The following OS9 variants were observed in gnomAD, a reference collection of about 807,000 sequenced individuals.
The protein encoded by OS9 is protein OS-9.
In OS9, 58 loss-of-function variants were observed where a neutral mutation model predicts 84.7. The observed-to-expected ratio is 0.68, with a 90% CI of 0.55 to 0.85. The LOEUF (loss-of-function observed/expected upper bound fraction) is 0.85, where lower values mean the gene tolerates loss of function less well. Among genes scored for constraint, OS9 ranks in the 40% least tolerant of loss-of-function variants. OS9 has a pLI of 0.00. For synonymous variants in OS9, 278 were observed against 320.8 expected, an observed-to-expected ratio of 0.87 and a Z score of 1.43; for missense variants, 760 against 850.9, an observed-to-expected ratio of 0.89 and a Z score of 1.33.
intron 5 of OS9, among the ~76,000 whole-genome samples, chr12:57,703,128 T>G (rs978215607): frequency 6.6e-6 from 1 of 152,198 alleles, no homozygotes; most frequent in African/African-American, 2.4e-5. Flanking sequence ...CGATCTCAGC[T>G]CACTGCAACC....
chr12:57,716,895 C>T, intron 9 of OS9, 151 bp downstream of exon 9: 1 of 661,694 alleles, frequency 1.5e-6, no homozygotes. Context: ...TTGTAGACAG[C>T]ACTGCTATTT....
At position 57,696,325 on chromosome 12, in the gene OS9, T is replaced by C. The variant is rs1268977680; in HGVS notation, c.531T>C (p.Asn177=). ...LKRYHSQTYG[N]GSKCDLNGRP... ...GCTACCACAGCCAGACCTATGGCAA[T>C]GGGTCCAAGTGCGACCTTAATGGGA... is the stretch of plus-strand genomic sequence containing the variant. The change falls in exon 5 of 15, where the codon AAT becomes AAC. Residue 177 remains asparagine, a synonymous_variant. Transcript: ENST00000315970. 1.9e-6 allele frequency: 3 copies of C among 1,613,660 alleles called. No homozygotes were observed. The highest frequency in any genetic ancestry group is 1.3e-5 in the African/African-American group (1 of 74,894).
At chr12:57,696,440 G>A (rs796725852) in intron 5 of OS9, 67 bp downstream of exon 5, 1 of 386,752 alleles carries the variant, frequency 2.6e-6, no homozygotes, top group South Asian at 4.0e-5. Flanking sequence ...GAAGAGGGTT[G>A]CATCTTATAG....
At chr12:57,720,017 T>C in intron 12 of OS9, 82 bp from the exon 13 acceptor site, 1 of 1,319,800 alleles carries the variant, frequency 7.6e-7, no homozygotes, top group Non-Finnish European at 1.0e-6. Context: ...CAACTGATGT[T>C]TTAGGGGGAG....
In OS9 at chr12:57,720,966, C is replaced by T; in HGVS notation, c.*57C>T. The T allele has an allele frequency of 3.1e-6, 5 of 1,601,440 alleles. No individual in the cohort carries two copies. The highest frequency in any genetic ancestry group is 4.3e-6 in the Non-Finnish European group (5 of 1,170,086). On this transcript the variant is annotated 3_prime_UTR_variant, in exon 15 of 15. Transcript: ENST00000315970. Reference sequence around the variant, plus strand: ...CCAGACTCTTCCTGGACTGGCTTGCCTCCTCCCCACCTCCCCACCCTGGAA... The same window carrying T: ...CCAGACTCTTCCTGGACTGGCTTGCTTCCTCCCCACCTCCCCACCCTGGAA...
At chr12:57,700,209 G>A (rs1345883220) in intron 5 of OS9, among the ~76,000 whole-genome samples, 1 of 151,994 alleles carries the variant, frequency 6.6e-6, no homozygotes, top group Non-Finnish European at 1.5e-5. Flanking sequence ...GGGGTTGAGA[G>A]AGGGGGCATT....
chr12:57,715,889 C>T lies in OS9; in HGVS notation c.709C>T (p.Pro237Ser), dbSNP rs770651914. Residue 237 changes from proline to serine, a missense_variant, in exon 6 of 15, where the codon CCC (proline) becomes TCC (serine). Physicochemically the swap from Pro to Ser is moderately conservative, Grantham distance 74. Coordinates refer to ENST00000315970, the MANE Select transcript of OS9 (RefSeq NM_006812.4). ...CCCCCACCCTCTCCTCCGGCCCCCA[C>T]CCAGTGCTGCACCGCAGGCCATCCT... Reference protein sequence around the residue: ...LCPHPLLRPPPSAAPQAILCH... With the variant: ...LCPHPLLRPPSSAAPQAILCH... The T allele has an allele frequency of 6.2e-6, 10 of 1,613,472 alleles. No individual in the cohort carries two copies. In the African/African-American group the frequency reaches 1.1e-4, roughly 17 times the overall value.
rs1716645344 is a variant in OS9 at position 57,716,138 on chromosome 12, A to T, written c.837A>T (p.Leu279=). The change falls in exon 7 of 15, where the codon CTA becomes CTT. Residue 279 remains leucine (L), a synonymous_variant. Coordinates refer to ENST00000315970, the MANE Select transcript of OS9 (RefSeq NM_006812.4). ...GDKIIEELQD[L]GPQVWSETKS... is the part of the protein sequence containing the mutation. The stretch of plus-strand genomic sequence containing the variant: ...AAATCATAGAGGAGCTGCAAGATCT[A>T]GGCCCCCAAGTGTGGAGTGAGACCA... The T allele has an allele frequency of 6.2e-7, 1 of 1,613,332 alleles. No individual in the cohort carries two copies.
At position 57,716,204 on chromosome 12, in the gene OS9, G is replaced by C. The variant is rs897140230; in HGVS notation, c.892+11G>C. 6 of 1,549,408 alleles carry C rather than the reference G, an allele frequency of 3.9e-6. No individual in the cohort carries two copies. In the African/African-American group the frequency reaches 8.5e-5, roughly 22 times the overall value. ...CCCAAAAGATGGCAGGTAGGACCTT[G>C]TTTCACCTGTTCCGTGAAACTCACT... is the stretch of plus-strand genomic sequence containing the variant. On this transcript the variant is annotated intron_variant, in intron 7 of 14. Coordinates refer to ENST00000315970, the MANE Select transcript of OS9 (RefSeq NM_006812.4).
intron 5 of OS9, among the ~76,000 whole-genome samples, chr12:57,698,061 T>C (rs759221628): frequency 1.3e-5 from 2 of 152,182 alleles, no homozygotes; most frequent in African/African-American, 2.4e-5. Flanking sequence ...TAATTCTGTC[T>C]TCCCTCACTA....
intron 1 of OS9, 139 bp from the exon 2 acceptor site, chr12:57,694,611 C>T (rs774302894): frequency 4.5e-6 from 4 of 898,546 alleles, no homozygotes; most frequent in Non-Finnish European, 7.1e-6. Context: ...CTCTCACCCA[C>T]TAAATACAGC....
chr12:57,703,776 A>G (rs546812078), intron 5 of OS9, among the ~76,000 whole-genome samples: 1 of 151,152 alleles, frequency 6.6e-6, no homozygotes, highest in African/African-American at 2.4e-5. Context: ...TTTTTTTTCT[A>G]TAAAAAACAC....
At chr12:57,707,397 A>G (rs1010305730) in intron 5 of OS9, among the ~76,000 whole-genome samples, 6 of 152,186 alleles carry the variant, frequency 3.9e-5, no homozygotes, top group African/African-American at 1.4e-4. Context: ...GGATTTAGGA[A>G]GCTTCCAATC....
intron 5 of OS9, among the ~76,000 whole-genome samples, chr12:57,704,537 C>CA (rs35697476): frequency 0.38 from 55,850 of 146,038 alleles, 10,671 homozygotes; most frequent in Middle Eastern, 0.59. Flanking sequence ...ACTCCATCTC[C>CA]AAAAAAAAAA....
chr12:57,714,594 G>A (rs573643006), intron 5 of OS9, among the ~76,000 whole-genome samples: 13 of 152,054 alleles, frequency 8.5e-5, no homozygotes, highest in African/African-American at 2.7e-4. Flanking sequence ...AAGTAGGACC[G>A]CTCCCACTTT....
intron 6 of OS9, 50 bp from the exon 7 acceptor site, chr12:57,716,042 A>G (rs766813280): frequency 1.3e-6 from 2 of 1,593,982 alleles, no homozygotes; most frequent in East Asian, 4.5e-5. Context: ...CAAGTATTGA[A>G]TAGCTGGAGG....
rs759247452 is a variant in OS9, at chr12:57,716,764, C to G, written c.1045+20C>G. On this transcript the variant is annotated intron_variant, in intron 9 of 14. Coordinates refer to ENST00000315970, the MANE Select transcript of OS9 (RefSeq NM_006812.4). ...CCAATGGTGAGTGAACCTTCCATGT[C>G]TCCTTTACTGAATATATTTTAGGAT... 2 of 1,606,466 alleles carry G rather than the reference C, an allele frequency of 1.2e-6. No homozygotes were observed. Among genetic ancestry groups the G allele is most frequent in the Non-Finnish European group, 8.5e-7 (1 of 1,173,146 alleles).
rs73335930 is a variant in OS9 at position 57,712,768 on chromosome 12, T to C, written c.580-2992T>C. Reference sequence around the variant, plus strand: ...ACTTGGCTGCACTACTTGCATTCAGTCTCCCCCTCACAACATGAAGCCTCT... The same window carrying C: ...ACTTGGCTGCACTACTTGCATTCAGCCTCCCCCTCACAACATGAAGCCTCT... On this transcript the variant is annotated intron_variant, in intron 5 of 14. Transcript: ENST00000315970. 4.6e-3 allele frequency among the ~76,000 whole-genome samples: 704 copies of C among 151,986 alleles called. 7 individuals carry two copies. Among genetic ancestry groups the C allele is most frequent in the African/African-American group, 0.016 (659 of 41,426 alleles).
chr12:57,716,827 G>A, intron 9 of OS9, 83 bp downstream of exon 9: 1 of 1,298,202 alleles, frequency 7.7e-7, no homozygotes, highest in Admixed American at 1.7e-5. Flanking sequence ...CTAAGCCTGG[G>A]AGGGAGGTTG....
Sources: allele counts gnomAD v4.1 joint callset (sites outside exome capture counted in the v4.1 genomes callset), GRCh38; gene constraint gnomAD v4.1.1; transcripts MANE v1.5; gene names NCBI Gene and HGNC (gene_info 2026-07-23, HGNC 2026-07-21).